PCDHGB2: variants seen among roughly 807,000 people sequenced by gnomAD.
PCDHGB2 encodes protocadherin gamma subfamily B, 2.
Under a neutral mutation model 59.3 loss-of-function variants are expected in PCDHGB2, and 55 were observed. That is an observed-to-expected ratio of 0.93 (90% confidence interval 0.75 to 1.16). The LOEUF (loss-of-function observed/expected upper bound fraction) is 1.16, where lower values mean the gene tolerates loss of function less well. Among genes scored for constraint, PCDHGB2 ranks in the 50% most tolerant of loss-of-function variants. PCDHGB2 has a pLI of 0.00. For missense variants in PCDHGB2, 1,228 were observed against 1,198.5 expected (o/e 1.02, Z -0.36); for synonymous variants, 516 against 512.0 (o/e 1.01, Z -0.11).
chr5:141,419,842 C>A, intron 1 of PCDHGB2: 1 of 1,614,074 alleles, frequency 6.2e-7, no homozygotes, highest in South Asian at 1.1e-5. Flanking sequence ...CCACGCTGCA[C>A]CTGGTGTTCG....
chr5:141,393,577 T>C (rs781192019), intron 1 of PCDHGB2: 1 of 1,613,890 alleles, frequency 6.2e-7, no homozygotes, highest in Admixed American at 1.7e-5. Flanking sequence ...CTTGAGAACA[T>C]GCCCCCAGGC....
Position 141,490,330 on chromosome 5 carries a change from C to G in PCDHGB2, c.2422-4477C>G. 4 of 1,614,198 alleles carry G rather than the reference C, an allele frequency of 2.5e-6. No homozygotes were observed. Among genetic ancestry groups the G allele is most frequent in the South Asian group, 1.1e-5 (1 of 91,082 alleles). On this transcript the variant is annotated intron_variant, in intron 1 of 3. Coordinates refer to ENST00000522605, the MANE Select transcript of PCDHGB2 (RefSeq NM_018923.3). This position sits in a 1 kb window ranked among gnomAD's most constrained non-coding sequence, Gnocchi z 5.4. ...GGCCAACCCTGTCCTAGAGAGCACACCAGTGGGCACAGTAGTGGGGTTGTT... is the reference window on the plus strand; with the variant it reads ...GGCCAACCCTGTCCTAGAGAGCACAGCAGTGGGCACAGTAGTGGGGTTGTT...
At chr5:141,365,092 C>T in intron 1 of PCDHGB2, 1 of 1,613,856 alleles carries the variant, frequency 6.2e-7, no homozygotes, top group Non-Finnish European at 8.5e-7. Flanking sequence ...TTCCAGAGAA[C>T]ATACCTGTGG....
At chr5:141,384,179 G>C in intron 1 of PCDHGB2, 7 of 1,613,830 alleles carry the variant, frequency 4.3e-6, no homozygotes, top group Non-Finnish European at 5.9e-6. Context: ...GCCACAGATG[G>C]TGGAACTCCT....
chr5:141,408,475 C>A, intron 1 of PCDHGB2: 3 of 1,614,032 alleles, frequency 1.9e-6, no homozygotes, highest in Non-Finnish European at 1.7e-6. Flanking sequence ...ACCGAATAGA[C>A]CGTGAGCAAA....
chr5:141,501,326 CA>C (rs1562200763), intron 2 of PCDHGB2, among the ~76,000 whole-genome samples: 18 of 151,784 alleles, frequency 1.2e-4, no homozygotes, highest in African/African-American at 1.9e-4. Flanking sequence ...CACACACACA[CA>C]CACACACCCC....
At chr5:141,374,285 T>A in intron 1 of PCDHGB2, 1 of 1,613,970 alleles carries the variant, frequency 6.2e-7, no homozygotes. Flanking sequence ...CCGCATCGTC[T>A]CCAGAGGTAG....
chr5:141,366,239 G>A, intron 1 of PCDHGB2: 3 of 1,613,776 alleles, frequency 1.9e-6, no homozygotes, highest in Non-Finnish European at 1.7e-6. Context: ...GGACAGAGAC[G>A]CGCTCAAGCA....
Position 141,489,748 on chromosome 5 carries a change from T to G in PCDHGB2, c.2422-5059T>G. 6.2e-7 allele frequency: 1 copy of G among 1,614,156 alleles called. No homozygotes were observed. Among genetic ancestry groups the G allele is most frequent in the African/African-American group, 1.3e-5 (1 of 75,054 alleles). On this transcript the variant is annotated intron_variant, in intron 1 of 3. Transcript: ENST00000522605. This position sits in a 1 kb window ranked among gnomAD's most constrained non-coding sequence, Gnocchi z 4.5. ...TGTGGGCACCAATACTGTGAGCTTTTACACTCTAAGCCCCAACAGCCACTT... is the reference window on the plus strand; with the variant it reads ...TGTGGGCACCAATACTGTGAGCTTTGACACTCTAAGCCCCAACAGCCACTT...
At chr5:141,464,096 C>T (rs2099075769) in intron 1 of PCDHGB2, among the ~76,000 whole-genome samples, 1 of 152,016 alleles carries the variant, frequency 6.6e-6, no homozygotes, top group African/African-American at 2.4e-5. Context: ...GAAACTCCGT[C>T]TCTACTAAAA....
At chr5:141,428,187 C>A in intron 1 of PCDHGB2, 1 of 1,439,502 alleles carries the variant, frequency 6.9e-7, no homozygotes, top group Non-Finnish European at 9.6e-7. Flanking sequence ...GGACAGCCGC[C>A]GCTCTCTGCG....
chr5:141,409,165 G>T (rs2095233723), intron 1 of PCDHGB2: 1 of 1,613,886 alleles, frequency 6.2e-7, no homozygotes, highest in Admixed American at 1.7e-5. Flanking sequence ...AAGTGGAAGC[G>T]AAGGACGGAG....
At chr5:141,374,600 A>T (rs1770639456) in intron 1 of PCDHGB2, 1 of 1,613,658 alleles carries the variant, frequency 6.2e-7, no homozygotes, top group Admixed American at 1.7e-5. Flanking sequence ...ATTTAAGCTC[A>T]GTGGTAATAG....
intron 1 of PCDHGB2, chr5:141,478,565 T>C (rs772519746): frequency 1.6e-5 from 25 of 1,593,862 alleles, no homozygotes; most frequent in Non-Finnish European, 2.0e-5. Flanking sequence ...TAGCAAGTCA[T>C]GCTTGACCCT....
Position 141,511,350 on chromosome 5 carries a change from C to G in PCDHGB2, c.*177C>G, listed in dbSNP as rs1303365585. 4.3e-6 allele frequency: 6 copies of G among 1,397,194 alleles called. No homozygotes were observed. Among genetic ancestry groups the G allele is most frequent in the East Asian group, 2.5e-5 (1 of 39,862 alleles). The allele number at this position is 1,397,194 out of a possible 1,614,324, so 86.5% of individuals were successfully genotyped here. On this transcript the variant is annotated 3_prime_UTR_variant, in exon 4 of 4. Transcript: ENST00000522605. ...CCCAGTCAGCACCTACCCCTTCCCC[C>G]CCAGGGGGTTGAATATGCAAAAGCA...
At chr5:141,383,501 A>G in intron 1 of PCDHGB2, 1 of 1,612,940 alleles carries the variant, frequency 6.2e-7, no homozygotes. Context: ...CGGGTGCTGG[A>G]CCGGGAGGAA....
chr5:141,392,498 A>AT (rs201401101), intron 1 of PCDHGB2: 334 of 217,284 alleles, frequency 1.5e-3, no homozygotes, highest in East Asian at 0.014. Flanking sequence ...TAAGCAAATG[A>AT]TTTTTTTTTC....
At chr5:141,422,724 G>A (rs560544401) in intron 1 of PCDHGB2, 9 of 1,606,016 alleles carry the variant, frequency 5.6e-6, no homozygotes, top group East Asian at 2.2e-5. Flanking sequence ...CTGTCCAGGG[G>A]GTGCCTCTGT....
chr5:141,420,405 T>C (rs1188012975), intron 1 of PCDHGB2: 7 of 1,241,232 alleles, frequency 5.6e-6, no homozygotes, highest in East Asian at 5.7e-5. Flanking sequence ...AAATTTATGG[T>C]TATCATTATT....
Sources: gnomAD v4.1 joint callset for allele counts (sites outside exome capture counted in the v4.1 genomes callset) on GRCh38, gnomAD v4.1.1 for gene constraint, Gnocchi (gnomAD v3.1) non-coding constraint, MANE v1.5 for transcripts, NCBI Gene and HGNC (gene_info 2026-07-23, HGNC 2026-07-21) for gene names.